The following NOVA1 variants were observed in gnomAD, a reference collection of about 807,000 sequenced individuals.
The protein encoded by NOVA1 is NOVA alternative splicing regulator 1, also known as RNA-binding protein Nova-1.
A neutral mutation model predicts 38.0 loss-of-function variants in NOVA1; 7 were observed. The observed-to-expected ratio is 0.18, with a 90% CI of 0.10 to 0.35. The LOEUF (loss-of-function observed/expected upper bound fraction) is 0.35. NOVA1 is among the 10% of genes least tolerant of loss of function. NOVA1 has a pLI of 1.00. For synonymous variants in NOVA1, 270 were observed against 232.5 expected (o/e 1.16, Z -1.47); for missense variants, 460 against 616.0 (o/e 0.75, Z 2.68).
intron 2 of NOVA1, among the ~76,000 whole-genome samples, chr14:26,514,413 T>C (rs1325565394): frequency 6.6e-6 from 1 of 151,832 alleles, no homozygotes; most frequent in East Asian, 1.9e-4. Context: ...TAATATTTCA[T>C]ATAATTATAA....
chr14:26,547,920 C>T (rs150028974), intron 2 of NOVA1, among the ~76,000 whole-genome samples: 3,749 of 152,072 alleles, frequency 0.025, 68 homozygotes, highest in Middle Eastern at 0.059. Flanking sequence ...AGCCTCATTA[C>T]AATATGAGTT....
At chr14:26,481,011 C>T (rs956011758) in intron 2 of NOVA1, among the ~76,000 whole-genome samples, 30 of 151,938 alleles carry the variant, frequency 2.0e-4, no homozygotes, top group African/African-American at 6.8e-4. Flanking sequence ...ACACACAGGT[C>T]GTATCACCTA....
intron 2 of NOVA1, 59 bp from the exon 3 acceptor site, chr14:26,480,202 G>A: frequency 3.4e-6 from 5 of 1,465,986 alleles, no homozygotes; most frequent in Middle Eastern, 1.8e-4. Flanking sequence ...AAAAAATTAT[G>A]AAAAAGGATG....
intron 2 of NOVA1, chr14:26,549,810 G>T: frequency 8.5e-7 from 1 of 1,178,880 alleles, no homozygotes; most frequent in Non-Finnish European, 1.1e-6. Flanking sequence ...TTAAACAGTT[G>T]CTGCGTTCCA....
At chr14:26,480,183 T>A (rs760863408) in intron 2 of NOVA1, 40 bp from the exon 3 acceptor site, 4 of 1,540,786 alleles carry the variant, frequency 2.6e-6, no homozygotes, top group Middle Eastern at 1.7e-4. Context: ...TATTCCACAC[T>A]TTGCATTAAA....
chr14:26,596,513 T>C (rs1169820321), intron 1 of NOVA1: 7 of 1,271,942 alleles, frequency 5.5e-6, no homozygotes, highest in Non-Finnish European at 7.2e-6. Context: ...CCAAATGTTG[T>C]GGTGTGCCAC....
chr14:26,454,598 G>GA (rs1298173079), intron 4 of NOVA1, among the ~76,000 whole-genome samples: 4 of 152,098 alleles, frequency 2.6e-5, no homozygotes, highest in Non-Finnish European at 1.5e-5. Context: ...AAAGAAATTT[G>GA]AATTGAATTA....
intron 2 of NOVA1, among the ~76,000 whole-genome samples, chr14:26,586,250 C>T (rs1409133905): frequency 1.3e-5 from 2 of 151,230 alleles, no homozygotes; most frequent in Non-Finnish European, 3.0e-5. Context: ...GAACATAGTC[C>T]TTAAGCCTAT....
intron 4 of NOVA1, among the ~76,000 whole-genome samples, chr14:26,463,340 A>C (rs1243168116): frequency 6.6e-6 from 1 of 152,172 alleles, no homozygotes; most frequent in East Asian, 1.9e-4. Context: ...TTATAAACAC[A>C]CACACGTCTT....
chr14:26,466,502 TG>T (rs1457240976), intron 4 of NOVA1, among the ~76,000 whole-genome samples: 1 of 152,178 alleles, frequency 6.6e-6, no homozygotes. Flanking sequence ...ACAAGTTATG[TG>T]GGGCCTGAAG....
intron 2 of NOVA1, among the ~76,000 whole-genome samples, chr14:26,563,920 C>G (rs1891976657): frequency 6.6e-6 from 1 of 152,072 alleles, no homozygotes; most frequent in South Asian, 2.1e-4. Flanking sequence ...CGGTGGTTTT[C>G]AGGTTGTATC....
At chr14:26,592,223 T>C (rs2138815732) in intron 2 of NOVA1, among the ~76,000 whole-genome samples, 1 of 151,526 alleles carries the variant, frequency 6.6e-6, no homozygotes, top group South Asian at 2.1e-4. Context: ...TAACAAAAAC[T>C]AAACATATCC....
At chr14:26,495,393 T>C (rs1002684144) in intron 2 of NOVA1, among the ~76,000 whole-genome samples, 17 of 152,346 alleles carry the variant, frequency 1.1e-4, no homozygotes, top group African/African-American at 3.8e-4. Flanking sequence ...TTTGTTCACA[T>C]GTGTATCCCC....
At chr14:26,556,105 A>G (rs1471441220) in intron 2 of NOVA1, among the ~76,000 whole-genome samples, 2 of 152,146 alleles carry the variant, frequency 1.3e-5, no homozygotes, top group Admixed American at 6.5e-5. Flanking sequence ...ATGCAATGCA[A>G]TACCCATCAA....
chr14:26,451,664 A>G (rs186018114), intron 4 of NOVA1, among the ~76,000 whole-genome samples: 1 of 152,284 alleles, frequency 6.6e-6, no homozygotes, highest in Non-Finnish European at 1.5e-5. Flanking sequence ...CGCCCGGCCA[A>G]TACTCAAAAA....
intron 2 of NOVA1, among the ~76,000 whole-genome samples, chr14:26,582,390 T>A (rs184062188): frequency 6.6e-6 from 1 of 151,834 alleles, no homozygotes; most frequent in South Asian, 2.1e-4. Flanking sequence ...ATGAATATTA[T>A]GTCCATGAGA....
At chr14:26,592,697 A>T in intron 2 of NOVA1, 1 of 151,712 alleles carries the variant, frequency 6.6e-6, no homozygotes, top group East Asian at 1.9e-4. Context: ...AAAATTACTC[A>T]TAAAGGCAGG....
intron 2 of NOVA1, among the ~76,000 whole-genome samples, chr14:26,590,318 A>G (rs1479459544): frequency 6.6e-6 from 1 of 151,916 alleles, no homozygotes; most frequent in Non-Finnish European, 1.5e-5. Context: ...AATCAAGCAC[A>G]AATCTCCCAC....
At chr14:26,558,556 G>A (rs969831400) in intron 2 of NOVA1, among the ~76,000 whole-genome samples, 2 of 151,948 alleles carry the variant, frequency 1.3e-5, no homozygotes, top group African/African-American at 4.8e-5. Context: ...AAAGGATTTA[G>A]GATAATTACA....
Sources: allele counts gnomAD v4.1 joint callset (sites outside exome capture counted in the v4.1 genomes callset), GRCh38; gene constraint gnomAD v4.1.1; transcripts MANE v1.5; gene names NCBI Gene and HGNC (gene_info 2026-07-23, HGNC 2026-07-21).